PRORP: variants seen among roughly 807,000 people sequenced by gnomAD.
The protein encoded by PRORP is protein only RNase P catalytic subunit.
Under a neutral mutation model 59.4 loss-of-function variants are expected in PRORP, and 51 were observed. The ratio of observed to expected loss-of-function variants is 0.86; its 90% confidence interval spans 0.69 to 1.08. PRORP has a LOEUF of 1.08. Ranked by LOEUF, PRORP falls within the 50% of genes least tolerant of loss-of-function variation. PRORP has a pLI of 0.00. For synonymous variants in PRORP, 231 were observed against 245.6 expected, an observed-to-expected ratio of 0.94 and a Z score of 0.55; for missense variants, 646 against 690.3, an observed-to-expected ratio of 0.94 and a Z score of 0.72.
intron 5 of PRORP, among the ~76,000 whole-genome samples, chr14:35,182,577 G>C (rs1269563109): frequency 6.6e-6 from 1 of 152,302 alleles, no homozygotes; most frequent in Non-Finnish European, 1.5e-5. Flanking sequence ...CCCGGGAGGT[G>C]GAGGTTGCAG....
chr14:35,167,659 A>C (rs2048217492), intron 4 of PRORP, among the ~76,000 whole-genome samples: 1 of 152,240 alleles, frequency 6.6e-6, no homozygotes, highest in Admixed American at 6.5e-5. Flanking sequence ...AAGAATGCAC[A>C]GGAAGTAATT....
At chr14:35,270,258 G>T in intron 6 of PRORP, 143 bp from the exon 7 acceptor site, 1 of 689,976 alleles carries the variant, frequency 1.4e-6, no homozygotes. Context: ...GGACTTTGAG[G>T]TGGTTCTTAA....
chr14:35,161,099 G>C (rs759158892), intron 4 of PRORP, among the ~76,000 whole-genome samples: 1 of 152,106 alleles, frequency 6.6e-6, no homozygotes, highest in Non-Finnish European at 1.5e-5. Context: ...TCTCAGTCAG[G>C]AACAGGAAGC....
At chr14:35,251,915 G>A (rs2050625066) in intron 5 of PRORP, among the ~76,000 whole-genome samples, 1 of 152,094 alleles carries the variant, frequency 6.6e-6, no homozygotes, top group African/African-American at 2.4e-5. Flanking sequence ...GATAGTGGAG[G>A]GGTCGGGGAG....
intron 5 of PRORP, among the ~76,000 whole-genome samples, chr14:35,202,096 A>C (rs1013188655): frequency 6.6e-6 from 1 of 151,310 alleles, no homozygotes; most frequent in Non-Finnish European, 1.5e-5. Context: ...CAGCCTCCCG[A>C]GTAGCTGGGA....
intron 5 of PRORP, among the ~76,000 whole-genome samples, chr14:35,260,291 A>G (rs2050871570): frequency 6.6e-6 from 1 of 152,226 alleles, no homozygotes; most frequent in Admixed American, 6.5e-5. Flanking sequence ...ATAAAATTAA[A>G]AAAGAGAAAT....
In PRORP at chr14:35,128,418, T is replaced by C. The variant is rs554769714; in HGVS notation, c.1167+807T>C. ...TGGAATAGTTTGAATAGGATTGCTA[T>C]TATTCTTTAAATGTTTGGTAGAATT... On this transcript the variant is annotated intron_variant, in intron 4 of 7. Transcript: ENST00000534898. Among the ~76,000 whole-genome samples the C allele has an allele frequency of 1.3e-4, 20 of 152,270 alleles. 1 individual carries two copies. In the South Asian group the frequency reaches 3.5e-3, roughly 27 times the overall value.
chr14:35,231,102 A>G (rs545118458), intron 5 of PRORP, among the ~76,000 whole-genome samples: 2 of 152,216 alleles, frequency 1.3e-5, no homozygotes, highest in East Asian at 3.9e-4. Flanking sequence ...ATTGAATATC[A>G]TTTGGTTTCT....
chr14:35,227,146 C>T (rs1025246495), intron 5 of PRORP, among the ~76,000 whole-genome samples: 7 of 151,712 alleles, frequency 4.6e-5, no homozygotes, highest in Non-Finnish European at 8.8e-5. Flanking sequence ...CACTTATTTT[C>T]CTTAAAAGTT....
intron 5 of PRORP, among the ~76,000 whole-genome samples, chr14:35,231,196 G>C (rs946316780): frequency 6.6e-6 from 1 of 152,160 alleles, no homozygotes; most frequent in Non-Finnish European, 1.5e-5. Flanking sequence ...TACCATGTCT[G>C]AGGAGAATAT....
intron 5 of PRORP, among the ~76,000 whole-genome samples, chr14:35,191,492 A>G (rs866712996): frequency 6.6e-6 from 1 of 152,166 alleles, no homozygotes; most frequent in Admixed American, 6.5e-5. Flanking sequence ...ACTTGAGCCC[A>G]GGAGTACGAG....
intron 6 of PRORP, among the ~76,000 whole-genome samples, chr14:35,267,917 CG>C (rs1679492945): frequency 6.6e-6 from 1 of 152,112 alleles, no homozygotes; most frequent in Non-Finnish European, 1.5e-5. Flanking sequence ...AGGCAGAAAC[CG>C]CAATGCAGAG....
chr14:35,245,168 A>G (rs889748096), intron 5 of PRORP, among the ~76,000 whole-genome samples: 2 of 152,238 alleles, frequency 1.3e-5, no homozygotes, highest in Non-Finnish European at 2.9e-5. Context: ...TTCTGCTTCT[A>G]AACTCACCAT....
At chr14:35,214,934 AG>A (rs1264526056) in intron 5 of PRORP, among the ~76,000 whole-genome samples, 1 of 152,168 alleles carries the variant, frequency 6.6e-6, no homozygotes, top group African/African-American at 2.4e-5. Flanking sequence ...GGGTGTCTTG[AG>A]TGCCTTTTGA....
At chr14:35,175,210 C>A (rs190654191) in intron 4 of PRORP, among the ~76,000 whole-genome samples, 1 of 152,056 alleles carries the variant, frequency 6.6e-6, no homozygotes. Flanking sequence ...CATACATGTG[C>A]ATGTGTCTTT....
At chr14:35,263,009 A>G in intron 5 of PRORP, 3 of 1,595,714 alleles carry the variant, frequency 1.9e-6, no homozygotes, top group Non-Finnish European at 2.6e-6. Context: ...TCTCTGAAAA[A>G]GGAACTGTTC....
In PRORP at chr14:35,162,920, T is replaced by C. The variant is rs116240803; in HGVS notation, c.1168-17750T>C. Among the ~76,000 whole-genome samples, 524 of 152,276 alleles carry C rather than the reference T, an allele frequency of 3.4e-3. 3 individuals carry two copies. The highest frequency in any genetic ancestry group is 0.012 in the African/African-American group (505 of 41,572). On this transcript the variant is annotated intron_variant, in intron 4 of 7. Coordinates refer to ENST00000534898, the MANE Select transcript of PRORP (RefSeq NM_014672.4). ...CACTAGGGATAAAGCGGGATGTTAC[T>C]TTTAGCATATACCAAATTCTTCATA...
At chr14:35,251,632 G>A (rs1177894988) in intron 5 of PRORP, among the ~76,000 whole-genome samples, 1 of 152,136 alleles carries the variant, frequency 6.6e-6, no homozygotes, top group African/African-American at 2.4e-5. Context: ...TTGGCTCACT[G>A]CAACTTCTGC....
At chr14:35,257,008 G>A (rs1163960916) in intron 5 of PRORP, among the ~76,000 whole-genome samples, 1 of 151,826 alleles carries the variant, frequency 6.6e-6, no homozygotes, top group African/African-American at 2.4e-5. Context: ...AAGTAGCTGG[G>A]ACTACAGGCG....
Sources: gnomAD v4.1 joint callset for allele counts (sites outside exome capture counted in the v4.1 genomes callset) on GRCh38, gnomAD v4.1.1 for gene constraint, MANE v1.5 for transcripts, NCBI Gene and HGNC (gene_info 2026-07-23, HGNC 2026-07-21) for gene names.